PELP1: variants seen among roughly 807,000 people sequenced by gnomAD.
PELP1 encodes the protein proline-, glutamic acid- and leucine-rich protein 1.
Under a neutral mutation model 95.5 loss-of-function variants are expected in PELP1, and 32 were observed. The observed-to-expected ratio is 0.34, with a 90% confidence interval of 0.25 to 0.45. PELP1 has a LOEUF of 0.45. Ranked by LOEUF, PELP1 falls within the 20% of genes least tolerant of loss-of-function variation. The pLI is 1.00. For missense variants in PELP1, 1,358 were observed against 1,444.8 expected (o/e 0.94, Z 0.97); for synonymous variants, 668 against 600.1 (o/e 1.11, Z -1.65).
Position 4,675,935 on chromosome 17 carries a change from C to T in PELP1, c.981-51G>A. On this transcript the variant is annotated intron_variant, in intron 8 of 16. Coordinates refer to ENST00000572293, the MANE Select transcript of PELP1 (RefSeq NM_014389.3). This position sits in a 1 kb window ranked among gnomAD's most constrained non-coding sequence, Gnocchi z 4.3. ...CTTCAGAGCAGGCTCCCTGGCATAA[C>T]TCCCACACCCACCTTCATCTCCTTT... 1 of 1,585,196 alleles carries T rather than the reference C, an allele frequency of 6.3e-7. No individual in the cohort carries two copies. The highest frequency in any genetic ancestry group is 8.6e-7 in the Non-Finnish European group (1 of 1,161,978).
intron 1 of PELP1, chr17:4,696,546 G>C (rs1261627015): frequency 1.3e-5 from 2 of 152,182 alleles, no homozygotes; most frequent in African/African-American, 4.8e-5. Context: ...CCACGAGGGG[G>C]AGAGAGAAAT....
At position 4,672,739 on chromosome 17, in the gene PELP1, G is replaced by A. The variant is rs766568560; in HGVS notation, c.2252C>T (p.Pro751Leu). Residue 751 changes from proline (P) to leucine (L), a missense_variant, in exon 16 of 17, where the codon CCC becomes CTC. Physicochemically the swap from Pro to Leu is moderately conservative, Grantham distance 98. Around this residue, in one of 7 missense-constraint regions of PELP1, gnomAD observed 340 missense variants for 322.9 expected, o/e 1.05. Coordinates refer to ENST00000572293, the MANE Select transcript of PELP1 (RefSeq NM_014389.3). ...TCTCCCCCCAAAAGTTTCATCTGGG[G>A]GTATAGTAGGTGGGGGAGTCCCACT... is the stretch of plus-strand genomic sequence containing the variant. ...APSGTPPPTI[P>L]PDETFGGRVP... The A allele has an allele frequency of 8.1e-6, 13 of 1,613,342 alleles. No homozygotes were observed. Among genetic ancestry groups the A allele is most frequent in the African/African-American group, 2.7e-5 (2 of 74,932 alleles).
chr17:4,685,948 T>C (rs1658429888), intron 3 of PELP1, among the ~76,000 whole-genome samples: 1 of 151,786 alleles, frequency 6.6e-6, no homozygotes, highest in Non-Finnish European at 1.5e-5. Context: ...AATACAAAAA[T>C]TAGCCGGGTG....
At chr17:4,685,125 C>T (rs1289612245) in intron 3 of PELP1, among the ~76,000 whole-genome samples, 1 of 152,150 alleles carries the variant, frequency 6.6e-6, no homozygotes, top group Non-Finnish European at 1.5e-5. Context: ...CTCCCATTCG[C>T]TTCTTATCCC....
intron 3 of PELP1, among the ~76,000 whole-genome samples, chr17:4,688,340 GA>G (rs112012067): frequency 7.8e-5 from 11 of 141,906 alleles, no homozygotes; most frequent in South Asian, 2.2e-4. Flanking sequence ...CCATCTAAAA[GA>G]AAAAAAAAAG....
At chr17:4,680,237 AACTT>A (rs1346735709) in intron 5 of PELP1, among the ~76,000 whole-genome samples, 5 of 152,124 alleles carry the variant, frequency 3.3e-5, no homozygotes, top group African/African-American at 1.2e-4. Flanking sequence ...TCCCTCCAAG[AACTT>A]ACTTTCTTGC....
chr17:4,681,042 ATG>A (rs1912664577), intron 5 of PELP1, among the ~76,000 whole-genome samples: 1 of 152,166 alleles, frequency 6.6e-6, no homozygotes, highest in Non-Finnish European at 1.5e-5. Context: ...GTCACCTTGT[ATG>A]TGTCATGACA....
At chr17:4,684,505 C>T (rs953667981) in intron 3 of PELP1, among the ~76,000 whole-genome samples, 1 of 152,160 alleles carries the variant, frequency 6.6e-6, no homozygotes, top group Non-Finnish European at 1.5e-5. Context: ...CCCTCTCCTG[C>T]CCTCTTCCTA....
rs1912416131 is a variant in PELP1 at position 4,675,305 on chromosome 17, C to T, written c.1126G>A (p.Ala376Thr). 3 of 1,568,748 alleles carry T rather than the reference C, an allele frequency of 1.9e-6. No individual in the cohort carries two copies. Among genetic ancestry groups the T allele is most frequent in the South Asian group, 1.2e-5 (1 of 85,530 alleles). The part of the protein sequence containing the change: ...LLLLPSIHLE[A>T]LDLLSALILA... The stretch of plus-strand genomic sequence containing the variant: ...ATGAGTGCAGACAGCAGGTCCAAGG[C>T]CTCAAGGTGGATAGAGGGCAGCAGC... The change falls in exon 10 of 17, where the codon GCC becomes ACC. Residue 376 changes from alanine to threonine, a missense_variant. This residue lies in a region of PELP1 where 538 missense variants were observed against 628.1 expected (regional missense o/e 0.86). Transcript: ENST00000572293. This position sits in a 1 kb window ranked among gnomAD's most constrained non-coding sequence, Gnocchi z 4.3.
At chr17:4,691,719 C>G in intron 1 of PELP1, 1 of 432,912 alleles carries the variant, frequency 2.3e-6, no homozygotes, top group Non-Finnish European at 4.2e-6. Flanking sequence ...ACTAATCCCA[C>G]TACCAGACTT....
intron 1 of PELP1, chr17:4,691,720 T>C (rs959434715): frequency 7.1e-6 from 3 of 424,906 alleles, no homozygotes; most frequent in Non-Finnish European, 1.3e-5. Context: ...CTAATCCCAC[T>C]ACCAGACTTC....
chr17:4,674,560 CGGT>C lies in PELP1; in HGVS notation c.1529_1531del (p.His510del), dbSNP rs1256598956. On this transcript the variant is annotated inframe_deletion, in exon 13 of 17. Transcript: ENST00000572293. ...GCTGTTGGCATTGCTATCCCCTTTC[CGGT>C]GGCTTGGCGGGGCCATAGCTTCCCC... The C allele has an allele frequency of 6.2e-7, 1 of 1,612,894 alleles. No individual in the cohort carries two copies. The highest frequency in any genetic ancestry group is 1.3e-5 in the African/African-American group (1 of 74,870).
chr17:4,675,306 C>T lies in PELP1; in HGVS notation c.1125G>A (p.Glu375=). The T allele has an allele frequency of 1.3e-6, 2 of 1,568,524 alleles. No individual in the cohort carries two copies. Among genetic ancestry groups the T allele is most frequent in the Non-Finnish European group, 1.7e-6 (2 of 1,156,858 alleles). The change falls in exon 10 of 17, where the codon GAG becomes GAA. Residue 375 remains glutamate (E), a synonymous_variant. Transcript: ENST00000572293. The surrounding 1 kb of genome is among the most constrained non-coding windows in gnomAD (Gnocchi z 4.3). ...RLLLLPSIHL[E]ALDLLSALIL... The stretch of plus-strand genomic sequence containing the variant: ...TGAGTGCAGACAGCAGGTCCAAGGC[C>T]TCAAGGTGGATAGAGGGCAGCAGCA...
intron 1 of PELP1, among the ~76,000 whole-genome samples, chr17:4,701,307 G>T (rs117466443): frequency 7.2e-6 from 1 of 139,168 alleles, no homozygotes; most frequent in Admixed American, 7.3e-5. Flanking sequence ...GAGAAGACTG[G>T]GAAGGAGGAT....
chr17:4,679,467 T>C (rs191484494), intron 5 of PELP1, among the ~76,000 whole-genome samples: 29 of 152,332 alleles, frequency 1.9e-4, no homozygotes, highest in Non-Finnish European at 3.2e-4. Context: ...CTAGTCTCCT[T>C]AACTCTTACT....
chr17:4,703,209 G>A (rs1913617164), intron 1 of PELP1, among the ~76,000 whole-genome samples: 1 of 152,112 alleles, frequency 6.6e-6, no homozygotes, highest in Admixed American at 6.6e-5. Context: ...TGAGCCCCAG[G>A]AACGATGCCC....
chr17:4,694,080 A>C (rs1913205226), intron 1 of PELP1, among the ~76,000 whole-genome samples: 1 of 152,192 alleles, frequency 6.6e-6, no homozygotes. Context: ...TGAACCTTGA[A>C]AACTGACTGC....
intron 5 of PELP1, among the ~76,000 whole-genome samples, chr17:4,677,846 C>A (rs1356828372): frequency 6.6e-6 from 1 of 151,896 alleles, no homozygotes; most frequent in Non-Finnish European, 1.5e-5. Context: ...GGGAGGACCA[C>A]CCAAGCCCAG....
At chr17:4,685,095 T>G (rs576927268) in intron 3 of PELP1, among the ~76,000 whole-genome samples, 1 of 152,270 alleles carries the variant, frequency 6.6e-6, no homozygotes, top group Non-Finnish European at 1.5e-5. Flanking sequence ...TTTCCCATCT[T>G]CTCTCCTTCC....
Sources: allele counts gnomAD v4.1 joint callset (sites outside exome capture counted in the v4.1 genomes callset), GRCh38; gene constraint gnomAD v4.1.1; regional missense constraint gnomAD v4.1.1; non-coding constraint Gnocchi (gnomAD v3.1); transcripts MANE v1.5; gene names NCBI Gene and HGNC (gene_info 2026-07-23, HGNC 2026-07-21).